The following MAML3 variants were observed in gnomAD, a reference collection of about 807,000 sequenced individuals.
MAML3 encodes mastermind like transcriptional coactivator 3.
A neutral mutation model predicts 101.9 loss-of-function variants in MAML3; 27 were observed. The observed-to-expected ratio is 0.27, with a 90% confidence interval of 0.20 to 0.37. MAML3 has a LOEUF of 0.37. Among genes scored for constraint, MAML3 ranks in the 10% least tolerant of loss-of-function variants. The pLI is 1.00. For missense variants in MAML3, 1,316 were observed against 1,444.9 expected, an observed-to-expected ratio of 0.91 and a Z score of 1.45; for synonymous variants, 501 against 555.9, an observed-to-expected ratio of 0.90 and a Z score of 1.39.
At chr4:140,059,208 A>G (rs1432204931) in intron 1 of MAML3, among the ~76,000 whole-genome samples, 1 of 152,240 alleles carries the variant, frequency 6.6e-6, no homozygotes, top group Admixed American at 6.5e-5. Context: ...GGGCATCTTT[A>G]AGCTTGAGGA....
chr4:139,742,853 G>A (rs1253965259), intron 2 of MAML3, among the ~76,000 whole-genome samples: 1 of 152,148 alleles, frequency 6.6e-6, no homozygotes, highest in African/African-American at 2.4e-5. Context: ...TAACAATAGA[G>A]GCCTTCAAAG....
At chr4:140,103,964 T>G (rs55762155) in intron 1 of MAML3, among the ~76,000 whole-genome samples, 26,689 of 152,098 alleles carry the variant, frequency 0.18, 2,911 homozygotes, top group Middle Eastern at 0.35. Context: ...CCCATCCTAT[T>G]GTTCAGGAAA....
At chr4:139,804,061 T>C (rs1461864596) in intron 2 of MAML3, among the ~76,000 whole-genome samples, 1 of 152,178 alleles carries the variant, frequency 6.6e-6, no homozygotes, top group African/African-American at 2.4e-5. Flanking sequence ...GCTCTGCCCC[T>C]GAAGAGCTGT....
At chr4:139,821,853 A>G (rs1169673118) in intron 2 of MAML3, among the ~76,000 whole-genome samples, 3 of 152,206 alleles carry the variant, frequency 2.0e-5, no homozygotes, top group East Asian at 1.9e-4. Flanking sequence ...TTATCCCAGT[A>G]CTATACTATT....
At chr4:139,878,351 C>A (rs1732151957) in intron 2 of MAML3, among the ~76,000 whole-genome samples, 1 of 152,164 alleles carries the variant, frequency 6.6e-6, no homozygotes, top group Non-Finnish European at 1.5e-5. Context: ...TAAGGTAGCA[C>A]TGACTACTCG....
At chr4:140,046,333 T>A (rs994661791) in intron 1 of MAML3, among the ~76,000 whole-genome samples, 19 of 152,194 alleles carry the variant, frequency 1.2e-4, no homozygotes, top group Admixed American at 3.3e-4. Context: ...ATAAGCAGAA[T>A]CTCGTCTCCC....
chr4:139,813,397 C>T (rs1286969687), intron 2 of MAML3, among the ~76,000 whole-genome samples: 1 of 152,140 alleles, frequency 6.6e-6, no homozygotes, highest in Non-Finnish European at 1.5e-5. Flanking sequence ...TGTGAAATTT[C>T]AGAAAGCTAA....
chr4:139,824,201 A>G (rs1212008325), intron 2 of MAML3, among the ~76,000 whole-genome samples: 2 of 152,214 alleles, frequency 1.3e-5, no homozygotes, highest in Non-Finnish European at 2.9e-5. Context: ...TGATTCGAGA[A>G]TATTCAAGGT....
At chr4:139,917,753 C>T (rs1254186190) in intron 1 of MAML3, among the ~76,000 whole-genome samples, 1 of 152,130 alleles carries the variant, frequency 6.6e-6, no homozygotes, top group Non-Finnish European at 1.5e-5. Flanking sequence ...AGTTTTCATA[C>T]CAAGGCTGCA....
At chr4:139,985,020 T>C (rs1734512382) in intron 1 of MAML3, among the ~76,000 whole-genome samples, 1 of 152,216 alleles carries the variant, frequency 6.6e-6, no homozygotes, top group Non-Finnish European at 1.5e-5. Flanking sequence ...ATGGCAAATA[T>C]AGATTCTGGC....
At chr4:140,101,335 T>C (rs531232278) in intron 1 of MAML3, among the ~76,000 whole-genome samples, 1 of 152,326 alleles carries the variant, frequency 6.6e-6, no homozygotes, top group East Asian at 1.9e-4. Flanking sequence ...AGTGGCCTTG[T>C]GTAGAATAGA....
At chr4:139,949,073 T>C (rs2110754340) in intron 1 of MAML3, among the ~76,000 whole-genome samples, 1 of 152,310 alleles carries the variant, frequency 6.6e-6, no homozygotes, top group East Asian at 1.9e-4. Context: ...TGGAGTGCAG[T>C]GGCGCGATCT....
intron 1 of MAML3, among the ~76,000 whole-genome samples, chr4:140,000,028 T>C (rs1202968091): frequency 6.6e-6 from 1 of 152,218 alleles, no homozygotes; most frequent in African/African-American, 2.4e-5. Flanking sequence ...TGACCGTTTT[T>C]TAAAAGTCTC....
intron 1 of MAML3, among the ~76,000 whole-genome samples, chr4:140,033,773 T>C (rs948111420): frequency 4.6e-5 from 7 of 152,228 alleles, no homozygotes; most frequent in Non-Finnish European, 1.0e-4. Context: ...AGTATGCATG[T>C]GTAAGGACTG....
At chr4:139,751,936 A>T (rs1361978526) in intron 2 of MAML3, among the ~76,000 whole-genome samples, 2 of 152,220 alleles carry the variant, frequency 1.3e-5, no homozygotes, top group African/African-American at 4.8e-5. Context: ...ACCTCCAAGG[A>T]GCCTCCATAT....
At chr4:140,124,961 G>A (rs571188564) in intron 1 of MAML3, among the ~76,000 whole-genome samples, 5 of 152,234 alleles carry the variant, frequency 3.3e-5, no homozygotes, top group African/African-American at 1.2e-4. Context: ...ATGCTACAGC[G>A]CAGAAGCAAC....
chr4:140,120,185 C>G (rs2111023827), intron 1 of MAML3, among the ~76,000 whole-genome samples: 1 of 148,448 alleles, frequency 6.7e-6, no homozygotes, highest in South Asian at 2.1e-4. Flanking sequence ...TGCAGTGAGC[C>G]AAGATCGCGC....
At chr4:139,959,209 T>A (rs1578617113) in intron 1 of MAML3, among the ~76,000 whole-genome samples, 2 of 152,190 alleles carry the variant, frequency 1.3e-5, no homozygotes, top group East Asian at 3.9e-4. Context: ...ACTGAGTAGC[T>A]TGTAAGTGGG....
chr4:140,104,401 A>ATT (rs1214335831), intron 1 of MAML3, among the ~76,000 whole-genome samples: 1 of 79,600 alleles, frequency 1.3e-5, no homozygotes, highest in Non-Finnish European at 2.7e-5. Context: ...TATATTATAT[A>ATT]ATATATAATA....
Sources: gnomAD v4.1 joint callset for allele counts (sites outside exome capture counted in the v4.1 genomes callset) on GRCh38, gnomAD v4.1.1 for gene constraint, MANE v1.5 for transcripts, NCBI Gene and HGNC (gene_info 2026-07-23, HGNC 2026-07-21) for gene names.